The following MPEG1 variants were observed in gnomAD, a reference collection of about 807,000 sequenced individuals.
MPEG1 encodes the protein macrophage-expressed gene 1 protein.
For missense variants in MPEG1, 876 were observed against 880.3 expected (o/e 1.00, Z 0.06); for synonymous variants, 365 against 351.9 (o/e 1.04, Z -0.42).
rs1488413246 is a variant in MPEG1, at chr11:59,212,145, C to G, written c.721G>C (p.Gly241Arg). The change falls in exon 1 of 1, where the codon GGA (glycine) becomes CGA (arginine). Residue 241 changes from glycine to arginine, a missense_variant. By Grantham distance (125) the Gly-to-Arg change is moderately radical (BLOSUM62 -2). Transcript: ENST00000361050. ...SSRSAVTASA[G>R]LAFQNTVNFK... is the part of the protein sequence containing the mutation. ...TTCACGGTGTTTTGAAAGGCAAGTC[C>G]AGCAGAGGCGGTCACGGCACTACGA... The G allele has an allele frequency of 6.2e-7, 1 of 1,614,154 alleles. No homozygotes were observed.
rs764067979 is a variant in MPEG1, at chr11:59,212,358, C to G, written c.508G>C (p.Gly170Arg). 1.2e-6 allele frequency: 2 copies of G among 1,614,188 alleles called. No individual in the cohort carries two copies. Among genetic ancestry groups the G allele is most frequent in the Non-Finnish European group, 1.7e-6 (2 of 1,180,052 alleles). The change falls in exon 1 of 1, where the codon GGT (glycine) becomes CGT (arginine). Residue 170 changes from glycine to arginine, a missense_variant. By Grantham distance (125) the Gly-to-Arg change is moderately radical. Transcript: ENST00000361050. ...KINPTLELSS[G>R]FRKELLDISD... ...ATGTCAAGGAGTTCCTTCCTAAAAC[C>G]TGAGCTTAGCTCTAAAGTTGGGTTG...
In MPEG1 at chr11:59,211,343, T is replaced by A; in HGVS notation, c.1523A>T (p.Glu508Val). 1 of 1,614,162 alleles carries A rather than the reference T, an allele frequency of 6.2e-7. No homozygotes were observed. ...PAGYFPLRLF[E>V]NLKVCVSQDY... ...CTGAGAAACACATACCTTGAGGTTT[T>A]CAAAGAGTCTCAGTGGAAAGTAGCC... The change falls in exon 1 of 1, where the codon GAA becomes GTA. Residue 508 changes from glutamate to valine, a missense_variant. Transcript: ENST00000361050.
chr11:59,212,819 C>T lies in MPEG1; in HGVS notation c.47G>A (p.Trp16Ter), dbSNP rs768021680. Residue 16 changes from tryptophan (W) to a stop codon, truncating the protein, a stop_gained, in exon 1 of 1, where the codon TGG becomes TAG. Transcript: ENST00000361050. LOFTEE classifies it low-confidence loss of function (END_TRUNC). ...ATILFWAAAA[W>*]AKSGKPSGEM... ...TCCCGAAGGCTTGCCTGATTTAGCCCATGCTGCCGCTGCCCAGAAGAGGAT... is the reference window on the plus strand; with the variant it reads ...TCCCGAAGGCTTGCCTGATTTAGCCTATGCTGCCGCTGCCCAGAAGAGGAT... 2.5e-6 allele frequency: 4 copies of T among 1,614,200 alleles called. No homozygotes were observed. Among genetic ancestry groups the T allele is most frequent in the Non-Finnish European group, 3.4e-6 (4 of 1,180,022 alleles).
Position 59,211,120 on chromosome 11 carries a change from G to T in MPEG1, c.1746C>A (p.Leu582=). The change falls in exon 1 of 1, where the codon CTC becomes CTA. Residue 582 remains leucine (L), a synonymous_variant. Coordinates refer to ENST00000361050, the MANE Select transcript of MPEG1 (RefSeq NM_001039396.2). ...CQVSYCVKSG[L]FTGGSLPPAR... ...CAGGGGGCAGGGACCCTCCTGTGAA[G>T]AGCCCGGATTTGACGCAATAGGACA... The T allele has an allele frequency of 5.0e-6, 8 of 1,614,230 alleles. No individual in the cohort carries two copies. Among genetic ancestry groups the T allele is most frequent in the Non-Finnish European group, 6.8e-6 (8 of 1,180,044 alleles).
Position 59,210,632 on chromosome 11 carries a change from A to C in MPEG1, c.*83T>G. On this transcript the variant is annotated 3_prime_UTR_variant, in exon 1 of 1. Coordinates refer to ENST00000361050, the MANE Select transcript of MPEG1 (RefSeq NM_001039396.2). The stretch of plus-strand genomic sequence containing the variant: ...CACGAATATACCTACTTTTGGTTGC[A>C]CTTGCCATTTCAATGCTTAGGAAAA... The C allele has an allele frequency of 1.5e-6, 2 of 1,298,708 alleles. No homozygotes were observed. 80.4% of individuals were successfully genotyped at this position (1,298,708 alleles called of 1,614,324 possible).
Position 59,212,142 on chromosome 11 carries a change from G to C in MPEG1, c.724C>G (p.Leu242Val). The C allele has an allele frequency of 6.2e-7, 1 of 1,614,216 alleles. No homozygotes were observed. Among genetic ancestry groups the C allele is most frequent in the South Asian group, 1.1e-5 (1 of 91,082 alleles). The change falls in exon 1 of 1, where the codon CTT becomes GTT. Residue 242 changes from leucine to valine, a missense_variant. Transcript: ENST00000361050. Reference protein sequence around the residue: ...SRSAVTASAGLAFQNTVNFKF... With the variant: ...SRSAVTASAGVAFQNTVNFKF... ...AAGTTCACGGTGTTTTGAAAGGCAA[G>C]TCCAGCAGAGGCGGTCACGGCACTA...
Position 59,212,220 on chromosome 11 carries a change from T to A in MPEG1, c.646A>T (p.Ile216Phe). ...GAGGCCCTGAGGTGGTCCTCCTGAATAAGAGCAGCCCCAGCGTCGACACTG... is the reference window on the plus strand; with the variant it reads ...GAGGCCCTGAGGTGGTCCTCCTGAAAAAGAGCAGCCCCAGCGTCGACACTG... ...TTSVDAGAALIQEDHLRASFL... is the reference protein window; with the variant it reads ...TTSVDAGAALFQEDHLRASFL... The change falls in exon 1 of 1, where the codon ATT (isoleucine) becomes TTT (phenylalanine). Residue 216 changes from isoleucine (I) to phenylalanine (F), a missense_variant. Ile to Phe is a conservative substitution (Grantham distance 21). Transcript: ENST00000361050. 6 of 1,613,918 alleles carry A rather than the reference T, an allele frequency of 3.7e-6. No individual in the cohort carries two copies. Among genetic ancestry groups the A allele is most frequent in the Non-Finnish European group, 5.1e-6 (6 of 1,180,028 alleles).
Position 59,210,642 on chromosome 11 carries a change from T to C in MPEG1, c.*73A>G. On this transcript the variant is annotated 3_prime_UTR_variant, in exon 1 of 1. Transcript: ENST00000361050. The stretch of plus-strand genomic sequence containing the variant: ...CCTACTTTTGGTTGCACTTGCCATT[T>C]CAATGCTTAGGAAAACAGAGTGGTC... 7.0e-7 allele frequency: 1 copy of C among 1,432,586 alleles called. No homozygotes were observed. Among genetic ancestry groups the C allele is most frequent in the South Asian group, 1.3e-5 (1 of 77,158 alleles). The allele number at this position is 1,432,586 out of a possible 1,614,324, so 88.7% of individuals were successfully genotyped here. A position where few individuals can be genotyped will look rare whatever the true frequency, so the allele number is the denominator to read the frequency against.
rs767217967 is a variant in MPEG1, at chr11:59,210,926, C to G, written c.1940G>C (p.Gly647Ala). 1 of 1,614,216 alleles carries G rather than the reference C, an allele frequency of 6.2e-7. No individual in the cohort carries two copies. The highest frequency in any genetic ancestry group is 8.5e-7 in the Non-Finnish European group (1 of 1,180,040). ...ELRRAMNVIH[G>A]DGGGLSGGAA... ...CCCTCCTGACAGACCACCACCATCCCCATGGATGACATTCATGGCCCTCCG... is the reference window on the plus strand; with the variant it reads ...CCCTCCTGACAGACCACCACCATCCGCATGGATGACATTCATGGCCCTCCG... Residue 647 changes from glycine (G) to alanine (A), a missense_variant, in exon 1 of 1, where the codon GGG becomes GCG. Transcript: ENST00000361050.
rs755210517 is a variant in MPEG1 at position 59,212,647 on chromosome 11, T to A, written c.219A>T (p.Thr73=). The part of the protein sequence containing the change: ...MELTYSNCRT[T]EDGQYIIPDE... ...CAGGGATGATATACTGTCCATCCTC[T>A]GTTGTCCTGCAGTTGGAGTAAGTCA... The change falls in exon 1 of 1, where the codon ACA becomes ACT. Residue 73 remains threonine (T), a synonymous_variant. Transcript: ENST00000361050. The A allele has an allele frequency of 2.4e-5, 38 of 1,614,152 alleles. 1 individual carries two copies. The South Asian group carries it at 4.2e-4, about 18-fold the overall frequency.
rs1295795874 is a variant in MPEG1 at position 59,212,287 on chromosome 11, C to T, written c.579G>A (p.Leu193=). The change falls in exon 1 of 1, where the codon CTG becomes CTA. Residue 193 remains leucine, a synonymous_variant. Coordinates refer to ENST00000361050, the MANE Select transcript of MPEG1 (RefSeq NM_001039396.2). The part of the protein sequence containing the change: ...ENNQTRMATY[L]AELLVLNYGT... ...CATAGTTGAGCACCAGGAGTTCTGC[C>T]AGGTAGGTGGCCATCCTCGTCTGGT... 2 of 1,613,738 alleles carry T rather than the reference C, an allele frequency of 1.2e-6. No individual in the cohort carries two copies. The highest frequency in any genetic ancestry group is 1.3e-5 in the African/African-American group (1 of 74,918).
chr11:59,211,640 T>C lies in MPEG1; in HGVS notation c.1226A>G (p.Asp409Gly). 3 of 1,614,056 alleles carry C rather than the reference T, an allele frequency of 1.9e-6. No homozygotes were observed. The highest frequency in any genetic ancestry group is 4.5e-5 in the East Asian group (2 of 44,868). Residue 409 changes from aspartate (D) to glycine (G), a missense_variant, in exon 1 of 1, where the codon GAT (aspartate) becomes GGT (glycine). Coordinates refer to ENST00000361050, the MANE Select transcript of MPEG1 (RefSeq NM_001039396.2). ...KLEQKNPLTG[D>G]FSCPSGYSPV... ...GGAGTAGCCAGAGGGGCAGGAGAAATCACCAGTGAGTGGATTCTTCTGCTC... is the reference window on the plus strand; with the variant it reads ...GGAGTAGCCAGAGGGGCAGGAGAAACCACCAGTGAGTGGATTCTTCTGCTC...
chr11:59,211,308 A>G lies in MPEG1; in HGVS notation c.1558T>C (p.Leu520=), dbSNP rs529754203. The change falls in exon 1 of 1, where the codon TTG becomes CTG. Residue 520 remains leucine (L), a synonymous_variant. Coordinates refer to ENST00000361050, the MANE Select transcript of MPEG1 (RefSeq NM_001039396.2). ...LKVCVSQDYE[L]GSRFAVPFGG... ...AAGGGGACCGCAAACCTGCTTCCCA[A>G]CTCATAGTCCTGAGAAACACATACC... 3.2e-4 allele frequency: 510 copies of G among 1,614,154 alleles called. 5 individuals carry two copies. The South Asian group carries it at 5.1e-3, about 16-fold the overall frequency.
In MPEG1 at chr11:59,209,756, T is replaced by C. The variant is rs933142341; in HGVS notation, c.*959A>G. On this transcript the variant is annotated 3_prime_UTR_variant, in exon 1 of 1. Coordinates refer to ENST00000361050, the MANE Select transcript of MPEG1 (RefSeq NM_001039396.2). Reference sequence around the variant, plus strand: ...GACATTGAAATGTGGTGTGCGTGTGTGTGTGTGTGTGTGTGTGTGTGTGTG... The same window carrying C: ...GACATTGAAATGTGGTGTGCGTGTGCGTGTGTGTGTGTGTGTGTGTGTGTG... The C allele has an allele frequency of 1.6e-5, 2 of 124,584 alleles. No homozygotes were observed. The highest frequency in any genetic ancestry group is 1.9e-5 in the Non-Finnish European group (1 of 52,334). The allele number at this position is 124,584 out of a possible 1,614,324, so 7.7% of individuals were successfully genotyped here.
At position 59,210,951 on chromosome 11, in the gene MPEG1, G is replaced by A. The variant is rs369599067; in HGVS notation, c.1915C>T (p.Arg639Trp). 2.8e-5 allele frequency: 45 copies of A among 1,614,008 alleles called. No individual in the cohort carries two copies. The highest frequency in any genetic ancestry group is 2.4e-4 in the African/African-American group (18 of 74,910). ...CCATGGATGACATTCATGGCCCTCC[G>A]CAGCTCTATCGGTTCTCCCAGCCTC... ...QWRLGEPIEL[R>W]RAMNVIHGDG... The change falls in exon 1 of 1, where the codon CGG becomes TGG. Residue 639 changes from arginine (R) to tryptophan (W), a missense_variant. Arg to Trp is a moderately radical substitution (Grantham distance 101, BLOSUM62 -3). Transcript: ENST00000361050.
Position 59,210,372 on chromosome 11 carries a change from C to T in MPEG1, c.*343G>A. On this transcript the variant is annotated 3_prime_UTR_variant, in exon 1 of 1. Coordinates refer to ENST00000361050, the MANE Select transcript of MPEG1 (RefSeq NM_001039396.2). ...AGAGCTCACAAATTGGAAACAACTG[C>T]AAACTTCAGAGTAAATTCATAGCTT... 4.4e-6 allele frequency: 1 copy of T among 229,022 alleles called. No homozygotes were observed. The highest frequency in any genetic ancestry group is 8.5e-6 in the Non-Finnish European group (1 of 117,340). The allele number at this position is 229,022 out of a possible 1,614,324, so 14.2% of individuals were successfully genotyped here.
In MPEG1 at chr11:59,211,608, G is replaced by A. The variant is rs750446299; in HGVS notation, c.1258C>T (p.His420Tyr). ...FSCPSGYSPV[H>Y]LLSQIHEEGY... Reference sequence around the variant, plus strand: ...TCCTCGTGGATCTGGGATAACAGGTGCACCGGGGAGTAGCCAGAGGGGCAG... The same window carrying A: ...TCCTCGTGGATCTGGGATAACAGGTACACCGGGGAGTAGCCAGAGGGGCAG... The change falls in exon 1 of 1, where the codon CAC becomes TAC. Residue 420 changes from histidine to tyrosine, a missense_variant. His to Tyr is a moderately conservative substitution (Grantham distance 83). Transcript: ENST00000361050. 1.1e-5 allele frequency: 18 copies of A among 1,614,098 alleles called. No individual in the cohort carries two copies. Among genetic ancestry groups the A allele is most frequent in the Admixed American group, 5.0e-5 (3 of 60,008 alleles).
chr11:59,211,355 A>C lies in MPEG1; in HGVS notation c.1511T>G (p.Leu504Arg). Residue 504 changes from leucine to arginine, a missense_variant, in exon 1 of 1, where the codon CTG becomes CGG. Leu to Arg is a moderately radical substitution (Grantham distance 102). Transcript: ENST00000361050. ...AQSCPAGYFP[L>R]RLFENLKVCV... The stretch of plus-strand genomic sequence containing the variant: ...TACCTTGAGGTTTTCAAAGAGTCTC[A>C]GTGGAAAGTAGCCGGCTGGGCATGA... The C allele has an allele frequency of 3.7e-6, 6 of 1,614,214 alleles. No homozygotes were observed. In the South Asian group the frequency reaches 5.5e-5, roughly 15 times the overall value.
In MPEG1 at chr11:59,210,807, A is replaced by G; in HGVS notation, c.2059T>C (p.Tyr687His). The G allele has an allele frequency of 6.2e-7, 1 of 1,614,070 alleles. No homozygotes were observed. Among genetic ancestry groups the G allele is most frequent in the Non-Finnish European group, 8.5e-7 (1 of 1,180,030 alleles). The change falls in exon 1 of 1, where the codon TAT (tyrosine) becomes CAT (histidine). Residue 687 changes from tyrosine (Y) to histidine (H), a missense_variant. By Grantham distance (83) the Tyr-to-His change is moderately conservative (BLOSUM62 2). Transcript: ENST00000361050. ...YGTRKFKKKA[Y>H]QAIEERQSLV... is the part of the protein sequence containing the mutation. ...CTCTGCCTTTCCTCAATTGCCTGAT[A>G]TGCTTTCTTCTTGAACTTCCGGGTG...
Sources: allele counts gnomAD v4.1 joint callset, GRCh38; gene constraint gnomAD v4.1.1; transcripts MANE v1.5; gene names NCBI Gene and HGNC (gene_info 2026-07-23, HGNC 2026-07-21).